Variants in WWOX observed in about 807,000 individuals in gnomAD.
The protein encoded by WWOX is WW domain-containing oxidoreductase.
WWOX carries 69 observed loss-of-function variants against 46.2 expected under a neutral mutation model. The observed-to-expected ratio is 1.49, with a 90% CI of 1.23 to 1.82. The LOEUF (loss-of-function observed/expected upper bound fraction) is 1.82, where lower values mean the gene tolerates loss of function less well. Among genes scored for constraint, WWOX ranks in the 40% most tolerant of loss-of-function variants. WWOX has a pLI of 0.00. For synonymous variants in WWOX, 359 were observed against 202.6 expected (o/e 1.77, Z -6.56); for missense variants, 919 against 542.6 (o/e 1.69, Z -6.89).
chr16:78,944,112 T>G (rs1412679279), intron 8 of WWOX, among the ~76,000 whole-genome samples: 3 of 152,226 alleles, frequency 2.0e-5, no homozygotes. Context: ...TTTGGGGGTT[T>G]TTTGCTGTGG....
At chr16:79,186,520 G>A (rs1162600737) in intron 8 of WWOX, among the ~76,000 whole-genome samples, 1 of 152,062 alleles carries the variant, frequency 6.6e-6, no homozygotes, top group Admixed American at 6.5e-5. Flanking sequence ...TTGGATTAAG[G>A]GCCTACCCTA....
chr16:79,107,232 C>T (rs765012646), intron 8 of WWOX, among the ~76,000 whole-genome samples: 52 of 151,774 alleles, frequency 3.4e-4, no homozygotes, highest in Non-Finnish European at 4.9e-4. Context: ...CGAATCACCG[C>T]GCCCAGCCCA....
At chr16:78,325,493 A>T (rs551082446) in intron 5 of WWOX, among the ~76,000 whole-genome samples, 1 of 152,332 alleles carries the variant, frequency 6.6e-6, no homozygotes, top group South Asian at 2.1e-4. Flanking sequence ...GTGAATTATT[A>T]GAATGACAAA....
intron 5 of WWOX, among the ~76,000 whole-genome samples, chr16:78,205,465 A>G (rs1190669393): frequency 6.6e-6 from 1 of 151,794 alleles, no homozygotes; most frequent in Non-Finnish European, 1.5e-5. Flanking sequence ...CCATCTGCCC[A>G]CCTACCCATC....
At chr16:78,158,989 G>C (rs950889475) in intron 4 of WWOX, among the ~76,000 whole-genome samples, 1 of 152,084 alleles carries the variant, frequency 6.6e-6, no homozygotes, top group Non-Finnish European at 1.5e-5. Context: ...CTATGAGTTT[G>C]AGTGTCTTAG....
At chr16:79,037,457 A>G (rs887499833) in intron 8 of WWOX, among the ~76,000 whole-genome samples, 2 of 152,124 alleles carry the variant, frequency 1.3e-5, no homozygotes, top group African/African-American at 2.4e-5. Flanking sequence ...CGTTACATCA[A>G]GTTGTGGGGT....
intron 8 of WWOX, among the ~76,000 whole-genome samples, chr16:78,666,915 A>C (rs1423224505): frequency 1.3e-5 from 2 of 152,198 alleles, no homozygotes; most frequent in Admixed American, 6.5e-5. Flanking sequence ...GCTTCTCCCA[A>C]GACACTGTTG....
intron 8 of WWOX, among the ~76,000 whole-genome samples, chr16:78,545,298 T>A (rs530221207): frequency 6.6e-6 from 1 of 152,298 alleles, no homozygotes; most frequent in African/African-American, 2.4e-5. Context: ...TCTCTGCTTC[T>A]GAGGAAATGG....
At chr16:78,332,791 G>T (rs2080791915) in intron 5 of WWOX, among the ~76,000 whole-genome samples, 2 of 152,162 alleles carry the variant, frequency 1.3e-5, no homozygotes, top group South Asian at 4.2e-4. Context: ...ACTAACATGG[G>T]TTCCACAGGA....
At chr16:79,059,871 G>C (rs1002167225) in intron 8 of WWOX, among the ~76,000 whole-genome samples, 2 of 152,154 alleles carry the variant, frequency 1.3e-5, no homozygotes, top group African/African-American at 2.4e-5. Flanking sequence ...CACAAAAATA[G>C]CTTTATTAAC....
At chr16:78,273,897 A>G (rs2079530242) in intron 5 of WWOX, among the ~76,000 whole-genome samples, 1 of 152,168 alleles carries the variant, frequency 6.6e-6, no homozygotes, top group Admixed American at 6.5e-5. Flanking sequence ...ACCCAAGTGG[A>G]AGTCATCCAT....
At chr16:78,609,586 G>C (rs1027960327) in intron 8 of WWOX, among the ~76,000 whole-genome samples, 1 of 149,810 alleles carries the variant, frequency 6.7e-6, no homozygotes, top group Non-Finnish European at 1.5e-5. Context: ...CCTCCTAGGA[G>C]ACAGTGATTC....
chr16:78,408,647 C>T (rs547787000), intron 6 of WWOX, among the ~76,000 whole-genome samples: 14 of 152,290 alleles, frequency 9.2e-5, no homozygotes, highest in South Asian at 2.1e-4. Flanking sequence ...TGTGTCATTC[C>T]GTTGTGCCTG....
At position 78,787,386 on chromosome 16, in the gene WWOX, A is replaced by G. The variant is rs567046855; in HGVS notation, c.1056+354634A>G. Among the ~76,000 whole-genome samples the G allele has an allele frequency of 6.6e-5, 10 of 152,172 alleles. 1 individual carries two copies. In the South Asian group the frequency reaches 1.9e-3, roughly 28 times the overall value. On this transcript the variant is annotated intron_variant, in intron 8 of 8. Coordinates refer to ENST00000566780, the MANE Select transcript of WWOX (RefSeq NM_016373.4). ...ACTTTGTGTCTCTATAGATTTGACTATTCTGGATATCTCATATAAATGGAA... is the reference window on the plus strand; with the variant it reads ...ACTTTGTGTCTCTATAGATTTGACTGTTCTGGATATCTCATATAAATGGAA...
Position 78,767,469 on chromosome 16 carries a change from A to AGTGTGT in WWOX, c.1056+334724_1056+334729dup, listed in dbSNP as rs1216650959. On this transcript the variant is annotated intron_variant, in intron 8 of 8. Coordinates refer to ENST00000566780, the MANE Select transcript of WWOX (RefSeq NM_016373.4). Reference sequence around the variant, plus strand: ...TATGGCTGAATAATGTTTCTGTGTGAGTGTGTGTGTGTCTGTGTGTGTGTG... The same window carrying AGTGTGT: ...TATGGCTGAATAATGTTTCTGTGTGAGTGTGTGTGTGTGTGTGTCTGTGTGTGTGTG... Among the ~76,000 whole-genome samples, 6 of 114,334 alleles carry AGTGTGT rather than the reference A, an allele frequency of 5.2e-5. No individual in the cohort carries two copies. In the East Asian group the frequency reaches 8.5e-4, roughly 16 times the overall value. 75.0% of individuals were successfully genotyped at this position (114,334 alleles called of 152,430 possible).
chr16:78,881,533 T>C (rs1351256598), intron 8 of WWOX, among the ~76,000 whole-genome samples: 3 of 152,312 alleles, frequency 2.0e-5, no homozygotes, highest in Admixed American at 2.0e-4. Context: ...TTTGCCAGGA[T>C]CCTTGCTGGA....
intron 8 of WWOX, chr16:79,078,101 C>T (rs181487905): frequency 6.6e-6 from 1 of 152,252 alleles, no homozygotes; most frequent in East Asian, 1.9e-4. Context: ...CTGGAAGTTT[C>T]CATTTCCTGG....
At chr16:79,038,047 C>G (rs1005612762) in intron 8 of WWOX, among the ~76,000 whole-genome samples, 2 of 152,182 alleles carry the variant, frequency 1.3e-5, no homozygotes, top group Non-Finnish European at 2.9e-5. Context: ...ACAGATTCCT[C>G]TTTAGCATTC....
chr16:78,103,312 G>A (rs554691261), intron 1 of WWOX, among the ~76,000 whole-genome samples: 9 of 150,878 alleles, frequency 6.0e-5, no homozygotes, highest in African/African-American at 2.2e-4. Flanking sequence ...GGATGTGCAG[G>A]TTTGTTACAT....
Sources: gnomAD v4.1 joint callset for allele counts (sites outside exome capture counted in the v4.1 genomes callset) on GRCh38, gnomAD v4.1.1 for gene constraint, MANE v1.5 for transcripts, NCBI Gene and HGNC (gene_info 2026-07-23, HGNC 2026-07-21) for gene names.